The following LRP1B variants were observed in gnomAD, a reference collection of about 807,000 sequenced individuals.
LRP1B encodes low-density lipoprotein receptor-related protein 1B.
In LRP1B, 217 loss-of-function variants were observed where a neutral mutation model predicts 556.6. That is an observed-to-expected ratio of 0.39 (90% CI 0.35 to 0.44). LRP1B has a LOEUF of 0.44. Ranked by LOEUF, LRP1B falls within the 20% of genes least tolerant of loss-of-function variation. The pLI, the probability that LRP1B is intolerant of heterozygous loss-of-function variation, is 1.00. For synonymous variants in LRP1B, 2,047 were observed against 1,865.8 expected (o/e 1.10, Z -2.50); for missense variants, 5,053 against 5,620.8 (o/e 0.90, Z 3.23).
At chr2:141,455,004 A>T (rs1681576856) in intron 3 of LRP1B, among the ~76,000 whole-genome samples, 1 of 152,132 alleles carries the variant, frequency 6.6e-6, no homozygotes, top group Non-Finnish European at 1.5e-5. Flanking sequence ...CTGTCACCAG[A>T]TTTGCATTCA....
At chr2:141,544,387 C>CTT (rs1559131587) in intron 2 of LRP1B, among the ~76,000 whole-genome samples, 1 of 44,528 alleles carries the variant, frequency 2.2e-5, no homozygotes, top group African/African-American at 7.9e-5. Flanking sequence ...TTCTTCTCCT[C>CTT]CTCCTCCTCC....
chr2:141,860,491 C>G (rs1334708074), intron 1 of LRP1B, among the ~76,000 whole-genome samples: 1 of 152,012 alleles, frequency 6.6e-6, no homozygotes, highest in Admixed American at 6.6e-5. Context: ...CTAGTTCTTC[C>G]TCCTTCTCCT....
At chr2:141,562,486 G>T (rs1481174239) in intron 2 of LRP1B, among the ~76,000 whole-genome samples, 4 of 151,902 alleles carry the variant, frequency 2.6e-5, no homozygotes, top group Non-Finnish European at 5.9e-5. Context: ...CTGTTTTGCA[G>T]ATTACTCACT....
chr2:140,766,661 G>A (rs1689114744), intron 35 of LRP1B, among the ~76,000 whole-genome samples: 1 of 150,394 alleles, frequency 6.6e-6, no homozygotes, highest in Admixed American at 6.7e-5. Flanking sequence ...TCCTCAAAAG[G>A]GAGGTTTATT....
rs751024963 is a variant in LRP1B, at chr2:140,526,376, T to C, written c.7763-26A>G. Reference sequence around the variant, plus strand: ...CTAGAAAAACAGGTACATAAACAAATGCAAAGATGGGACAGAATGACTCCT... The same window carrying C: ...CTAGAAAAACAGGTACATAAACAAACGCAAAGATGGGACAGAATGACTCCT... On this transcript the variant is annotated intron_variant, in intron 47 of 90. Transcript: ENST00000389484. 7.3e-5 allele frequency: 95 copies of C among 1,303,860 alleles called. 2 individuals carry two copies. The highest frequency in any genetic ancestry group is 6.2e-4 in the South Asian group (52 of 84,526). 80.8% of individuals were successfully genotyped at this position (1,303,860 alleles called of 1,614,324 possible).
In LRP1B at chr2:141,005,398, C is replaced by T. The variant is rs760474334; in HGVS notation, c.2440G>A (p.Gly814Arg). ...GCSTLCLAIP[G>R]GRVCACADNQ... is the part of the protein sequence containing the mutation. ...TCGGCACAAGCACACACCCGGCCTC[C>T]TGGGATAGCCAAGCAAAGTGTACTA... The change falls in exon 15 of 91, where the codon GGA becomes AGA. Residue 814 changes from glycine (G) to arginine (R), a missense_variant. Physicochemically the swap from Gly to Arg is moderately radical, Grantham distance 125. Around this residue, in one of 5 missense-constraint regions of LRP1B, gnomAD observed 3,619 missense variants for 3,931.9 expected, o/e 0.92. Coordinates refer to ENST00000389484, the MANE Select transcript of LRP1B (RefSeq NM_018557.3). 4 of 1,611,274 alleles carry T rather than the reference C, an allele frequency of 2.5e-6. No individual in the cohort carries two copies. In the Admixed American group the frequency reaches 6.7e-5, roughly 27 times the overall value.
intron 3 of LRP1B, among the ~76,000 whole-genome samples, chr2:141,408,804 AATAAT>A (rs1173924360): frequency 6.6e-6 from 1 of 152,258 alleles, no homozygotes; most frequent in South Asian, 2.1e-4. Context: ...TTTACTTATA[AATAAT>A]ATATCAAAAT....
chr2:141,833,274 A>G (rs767839735), intron 1 of LRP1B, among the ~76,000 whole-genome samples: 2 of 151,852 alleles, frequency 1.3e-5, no homozygotes, highest in Non-Finnish European at 1.5e-5. Flanking sequence ...TTGATAAACT[A>G]TAAGAGACAT....
intron 2 of LRP1B, among the ~76,000 whole-genome samples, chr2:141,525,792 C>T (rs1478721185): frequency 6.6e-6 from 1 of 151,824 alleles, no homozygotes; most frequent in Non-Finnish European, 1.5e-5. Flanking sequence ...ATACAGGAAG[C>T]CCAGTTAAAT....
intron 5 of LRP1B, among the ~76,000 whole-genome samples, chr2:141,243,003 T>C (rs1391714846): frequency 1.3e-5 from 2 of 152,098 alleles, no homozygotes; most frequent in Non-Finnish European, 2.9e-5. Context: ...TAAAAGAAAG[T>C]CAAATTTTAA....
At chr2:141,786,831 T>C (rs1416972041) in intron 2 of LRP1B, among the ~76,000 whole-genome samples, 1 of 151,978 alleles carries the variant, frequency 6.6e-6, no homozygotes, top group Admixed American at 6.6e-5. Flanking sequence ...TCTATCTTTC[T>C]TAGAGTTCTT....
intron 2 of LRP1B, among the ~76,000 whole-genome samples, chr2:141,760,394 G>A (rs765334976): frequency 6.6e-6 from 1 of 152,058 alleles, no homozygotes. Flanking sequence ...GTATTCATAA[G>A]TTATTAATGT....
chr2:141,092,405 T>A (rs549613877), intron 7 of LRP1B, among the ~76,000 whole-genome samples: 81 of 152,330 alleles, frequency 5.3e-4, no homozygotes, highest in Non-Finnish European at 1.0e-4. Flanking sequence ...TTTGGACTTA[T>A]TAAGTTTGTT....
At chr2:141,344,444 A>T (rs1228028438) in intron 3 of LRP1B, among the ~76,000 whole-genome samples, 1 of 152,072 alleles carries the variant, frequency 6.6e-6, no homozygotes, top group Non-Finnish European at 1.5e-5. Context: ...CCTTTGGCGT[A>T]GGTGTTTTCT....
At chr2:140,781,627 A>T (rs1319341763) in intron 32 of LRP1B, among the ~76,000 whole-genome samples, 2 of 152,206 alleles carry the variant, frequency 1.3e-5, no homozygotes, top group Non-Finnish European at 2.9e-5. Context: ...TAAATAACCA[A>T]ATAGAAAAGA....
chr2:141,925,874 A>G (rs950527652), intron 1 of LRP1B, among the ~76,000 whole-genome samples: 2 of 152,136 alleles, frequency 1.3e-5, no homozygotes, highest in African/African-American at 4.8e-5. Context: ...TCTTTGTAGG[A>G]TGGCCTTAGC....
chr2:142,054,671 T>G (rs1704596142), intron 1 of LRP1B, among the ~76,000 whole-genome samples: 1 of 152,166 alleles, frequency 6.6e-6, no homozygotes, highest in African/African-American at 2.4e-5. Flanking sequence ...GAGTGGAAGC[T>G]CCTACAGTGA....
intron 62 of LRP1B, among the ~76,000 whole-genome samples, chr2:140,452,333 T>G (rs1686919663): frequency 6.6e-6 from 1 of 152,094 alleles, no homozygotes; most frequent in South Asian, 2.1e-4. Flanking sequence ...AATCTCACTT[T>G]CCATACAGAG....
chr2:140,573,097 T>C (rs766088345), intron 43 of LRP1B, among the ~76,000 whole-genome samples: 4 of 151,792 alleles, frequency 2.6e-5, no homozygotes, highest in Admixed American at 6.6e-5. Context: ...AGGGTGACTA[T>C]AGTTAACAAC....
Sources: allele counts gnomAD v4.1 joint callset (sites outside exome capture counted in the v4.1 genomes callset), GRCh38; gene constraint gnomAD v4.1.1; regional missense constraint gnomAD v4.1.1; transcripts MANE v1.5; gene names NCBI Gene and HGNC (gene_info 2026-07-23, HGNC 2026-07-21).